KLF11: variants seen among roughly 807,000 people sequenced by gnomAD.
KLF11 encodes the protein KLF transcription factor 11, also known as Krueppel-like factor 11.
A neutral mutation model predicts 29.9 loss-of-function variants in KLF11; 26 were observed. The observed-to-expected ratio is 0.87, with a 90% CI of 0.64 to 1.21. The LOEUF is 1.21. KLF11 is among the 50% of genes most tolerant of loss of function. KLF11 has a pLI of 0.00. For synonymous variants in KLF11, 318 were observed against 257.4 expected, an observed-to-expected ratio of 1.24 and a Z score of -2.25; for missense variants, 778 against 665.7, an observed-to-expected ratio of 1.17 and a Z score of -1.86.
chr2:10,052,581 C>T lies in KLF11; in HGVS notation c.*74C>T. On this transcript the variant is annotated 3_prime_UTR_variant, in exon 4 of 4. Transcript: ENST00000305883. ...AGGAATGGAACTGATGGATTCCTCT[C>T]CCACTGCCTCACCCAAAAAAAACGG... 1 of 1,500,834 alleles carries T rather than the reference C, an allele frequency of 6.7e-7. No individual in the cohort carries two copies. The highest frequency in any genetic ancestry group is 2.3e-4 in the Middle Eastern group (1 of 4,312). 93.0% of individuals were successfully genotyped at this position (1,500,834 alleles called of 1,614,324 possible).
chr2:10,048,891 G>A lies in KLF11; in HGVS notation c.1258+296G>A, dbSNP rs898114297. On this transcript the variant is annotated intron_variant, in intron 3 of 3. Coordinates refer to ENST00000305883, the MANE Select transcript of KLF11 (RefSeq NM_003597.5). ...TACAGTGCCCCCTTCTGTTCACATT[G>A]CAGTAGACGTTTCATCCTTTTTTTT... Among the ~76,000 whole-genome samples the A allele has an allele frequency of 3.5e-5, 5 of 141,948 alleles. No homozygotes were observed. In the East Asian group the frequency reaches 6.3e-4, roughly 18 times the overall value. The allele number at this position is 141,948 out of a possible 152,430, so 93.1% of individuals were successfully genotyped here.
In KLF11 at chr2:10,048,462, C is replaced by G. The variant is rs776316165; in HGVS notation, c.1125C>G (p.Phe375Leu). 22 of 1,614,016 alleles carry G rather than the reference C, an allele frequency of 1.4e-5. No individual in the cohort carries two copies. The highest frequency in any genetic ancestry group is 1.8e-5 in the Non-Finnish European group (21 of 1,180,028). Residue 375 changes from phenylalanine to leucine, a missense_variant, in exon 3 of 4, where the codon TTC (phenylalanine) becomes TTG (leucine). Physicochemically the swap from Phe to Leu is conservative, Grantham distance 22. Coordinates refer to ENST00000305883, the MANE Select transcript of KLF11 (RefSeq NM_003597.5). ...TGCCCCTTGCCCCTGCTCCAGTGTT[C>G]ATCACCTCTAGCCAAAACTGTGTCC... The part of the protein sequence containing the change: ...KLLPLAPAPV[F>L]ITSSQNCVPQ...
Position 10,048,236 on chromosome 2 carries a change from C to T in KLF11, c.899C>T (p.Pro300Leu), listed in dbSNP as rs1364308919. The change falls in exon 3 of 4, where the codon CCA (proline) becomes CTA (leucine). Residue 300 changes from proline to leucine, a missense_variant. Pro to Leu is a moderately conservative substitution (Grantham distance 98, BLOSUM62 -3). Coordinates refer to ENST00000305883, the MANE Select transcript of KLF11 (RefSeq NM_003597.5). ...IPVTGQSSML[P>L]AFLKPPPQLS... ...GTGACTGGACAAAGTAGCATGTTAC[C>T]AGCTTTTTTGAAGCCCCCTCCCCAG... 1 of 1,613,382 alleles carries T rather than the reference C, an allele frequency of 6.2e-7. No individual in the cohort carries two copies. Among genetic ancestry groups the T allele is most frequent in the South Asian group, 1.1e-5 (1 of 91,060 alleles).
At chr2:10,043,911 A>G (rs1661077671) in intron 1 of KLF11, 153 bp downstream of exon 1, 1 of 1,028,800 alleles carries the variant, frequency 9.7e-7, no homozygotes, top group Non-Finnish European at 1.2e-6. Flanking sequence ...CGGGCTCCGG[A>G]GCCGGGCGGG....
At chr2:10,046,915 T>C (rs1316237153) in intron 2 of KLF11, among the ~76,000 whole-genome samples, 1 of 152,236 alleles carries the variant, frequency 6.6e-6, no homozygotes, top group Non-Finnish European at 1.5e-5. Flanking sequence ...AAATGTGCTC[T>C]TTCTATGGAT....
chr2:10,044,274 C>T, intron 1 of KLF11: 1 of 980,918 alleles, frequency 1.0e-6, no homozygotes. Context: ...GAGGCGGGAG[C>T]GCCGCACTGC....
rs918016584 is a variant in KLF11, at chr2:10,054,542, C to T, written c.*2035C>T. 1 of 152,688 alleles carries T rather than the reference C, an allele frequency of 6.5e-6. No individual in the cohort carries two copies. The highest frequency in any genetic ancestry group is 2.4e-5 in the African/African-American group (1 of 41,468). 9.5% of individuals were successfully genotyped at this position (152,688 alleles called of 1,614,324 possible). On this transcript the variant is annotated 3_prime_UTR_variant, in exon 4 of 4. Coordinates refer to ENST00000305883, the MANE Select transcript of KLF11 (RefSeq NM_003597.5). ...GAAAGATTTTAAGTTGGAAACAGTT[C>T]CTGTCTGAAAACTCTTCTGAGAACC...
intron 3 of KLF11, among the ~76,000 whole-genome samples, chr2:10,050,891 CCTTT>C (rs1661382191): frequency 2.4e-5 from 1 of 42,036 alleles, no homozygotes; most frequent in Non-Finnish European, 4.9e-5. Context: ...ATAGATGCTA[CCTTT>C]TTTTTTTTTT....
At chr2:10,043,825 C>T (rs1172235344) in intron 1 of KLF11, 67 bp downstream of exon 1, 10 of 1,294,736 alleles carry the variant, frequency 7.7e-6, no homozygotes, top group South Asian at 2.8e-5. Context: ...GGAAGTGGTG[C>T]GGCACTCGCG....
intron 1 of KLF11, among the ~76,000 whole-genome samples, 168 bp from the exon 2 acceptor site, chr2:10,045,982 A>T (rs1036430316): frequency 9.2e-5 from 14 of 152,262 alleles, no homozygotes; most frequent in African/African-American, 3.4e-4. Flanking sequence ...AATTGTCATG[A>T]GCATTCCTTG....
At chr2:10,051,719 G>T (rs369948901) in intron 3 of KLF11, among the ~76,000 whole-genome samples, 15 of 150,704 alleles carry the variant, frequency 1.0e-4, no homozygotes, top group Admixed American at 3.3e-4. Flanking sequence ...GGGTTTCACC[G>T]TGTTAGCCAG....
chr2:10,048,654 C>T (rs1201504803), intron 3 of KLF11, 59 bp downstream of exon 3: 4 of 1,279,798 alleles, frequency 3.1e-6, no homozygotes, highest in African/African-American at 1.5e-5. Flanking sequence ...AGGAAGCACA[C>T]CTTGAGCCGC....
rs1056465665 is a variant in KLF11, at chr2:10,054,610, G to A, written c.*2103G>A. The A allele has an allele frequency of 6.6e-6, 1 of 152,666 alleles. No individual in the cohort carries two copies. The highest frequency in any genetic ancestry group is 6.5e-5 in the Admixed American group (1 of 15,286). The allele number at this position is 152,666 out of a possible 1,614,324, so 9.5% of individuals were successfully genotyped here. ...ATTCGGCATGGAGCCCTCAGCTGGC[G>A]GCTCTGGGTGCTGACGGCCGCTGGA... On this transcript the variant is annotated 3_prime_UTR_variant, in exon 4 of 4. Transcript: ENST00000305883.
Position 10,051,809 on chromosome 2 carries a change from G to C in KLF11, c.1259-418G>C, listed in dbSNP as rs4669521. 1.6e-4 allele frequency among the ~76,000 whole-genome samples: 24 copies of C among 152,094 alleles called. No homozygotes were observed. In the South Asian group the frequency reaches 4.8e-3, roughly 30 times the overall value. ...TTGGATTACAGGCGTGAGCCACTGC[G>C]CCTGGCTGGATGCTACATTTTTAAT... On this transcript the variant is annotated intron_variant, in intron 3 of 3. Transcript: ENST00000305883.
At chr2:10,044,731 C>G (rs548499030) in intron 1 of KLF11, among the ~76,000 whole-genome samples, 90 of 151,754 alleles carry the variant, frequency 5.9e-4, no homozygotes, top group Non-Finnish European at 7.7e-4. Context: ...CCACTGTAAC[C>G]TCCCTGGGAG....
At chr2:10,050,226 G>A (rs932657287) in intron 3 of KLF11, among the ~76,000 whole-genome samples, 8 of 152,080 alleles carry the variant, frequency 5.3e-5, no homozygotes, top group African/African-American at 1.4e-4. Context: ...GGCCAACATG[G>A]TGAAACCCCG....
At position 10,046,188 on chromosome 2, in the gene KLF11, G is replaced by A. The variant is rs140643007; in HGVS notation, c.81G>A (p.Arg27=). The change falls in exon 2 of 4, where the codon AGG becomes AGA. Residue 27 remains arginine, a synonymous_variant. Transcript: ENST00000305883. The part of the protein sequence containing the change: ...IMDICESILE[R]KRHDSERSTC... ...ACATATGTGAGTCCATCCTGGAGAGGAAGCGGCATGACAGCGAAAGGTCTA... is the reference window on the plus strand; with the variant it reads ...ACATATGTGAGTCCATCCTGGAGAGAAAGCGGCATGACAGCGAAAGGTCTA... 7 of 1,614,154 alleles carry A rather than the reference G, an allele frequency of 4.3e-6. No individual in the cohort carries two copies. Among genetic ancestry groups the A allele is most frequent in the Non-Finnish European group, 5.9e-6 (7 of 1,180,046 alleles).
Position 10,052,556 on chromosome 2 carries a change from A to C in KLF11, c.*49A>C. 1 of 1,592,814 alleles carries C rather than the reference A, an allele frequency of 6.3e-7. No homozygotes were observed. Among genetic ancestry groups the C allele is most frequent in the Non-Finnish European group, 8.6e-7 (1 of 1,167,896 alleles). ...TGGGATTTTTAAAAAGCCTCTTTCCAGGAATGGAACTGATGGATTCCTCTC... is the reference window on the plus strand; with the variant it reads ...TGGGATTTTTAAAAAGCCTCTTTCCCGGAATGGAACTGATGGATTCCTCTC... On this transcript the variant is annotated 3_prime_UTR_variant, in exon 4 of 4. Coordinates refer to ENST00000305883, the MANE Select transcript of KLF11 (RefSeq NM_003597.5).
At chr2:10,045,013 G>C (rs898650578) in intron 1 of KLF11, among the ~76,000 whole-genome samples, 3 of 152,240 alleles carry the variant, frequency 2.0e-5, no homozygotes, top group Non-Finnish European at 4.4e-5. Flanking sequence ...GAGCATGGTG[G>C]TGGGCGCCTG....
Sources: gnomAD v4.1 joint callset for allele counts (sites outside exome capture counted in the v4.1 genomes callset) on GRCh38, gnomAD v4.1.1 for gene constraint, MANE v1.5 for transcripts, NCBI Gene and HGNC (gene_info 2026-07-23, HGNC 2026-07-21) for gene names.